MACROD2: variants seen among roughly 807,000 people sequenced by gnomAD.
MACROD2 encodes mono-ADP ribosylhydrolase 2, also known as ADP-ribose glycohydrolase MACROD2.
A neutral mutation model predicts 70.4 loss-of-function variants in MACROD2; 36 were observed. The observed-to-expected ratio is 0.51, with a 90% CI of 0.39 to 0.68. The LOEUF is 0.68. MACROD2 is among the 30% of genes least tolerant of loss of function. MACROD2 has a pLI of 0.00. For missense variants in MACROD2, 496 were observed against 538.4 expected, an observed-to-expected ratio of 0.92 and a Z score of 0.78; for synonymous variants, 172 against 178.8, an observed-to-expected ratio of 0.96 and a Z score of 0.30.
At chr20:14,742,916 G>A (rs1235631728) in intron 5 of MACROD2, among the ~76,000 whole-genome samples, 8 of 151,098 alleles carry the variant, frequency 5.3e-5, no homozygotes, top group African/African-American at 9.8e-5. Flanking sequence ...ACAGGCGCCC[G>A]CCACTATGCC....
intron 5 of MACROD2, among the ~76,000 whole-genome samples, chr20:14,778,883 A>G (rs1029775302): frequency 6.6e-6 from 1 of 152,136 alleles, no homozygotes; most frequent in Non-Finnish European, 1.5e-5. Context: ...TTAATGAGGG[A>G]AGCTCCAAAA....
rs1429303209 is a variant in MACROD2 at position 16,050,765 on chromosome 20, C to T, written c.*889C>T. On this transcript the variant is annotated 3_prime_UTR_variant, in exon 18 of 18. Transcript: ENST00000684519. ...AACATATGCCTATGAATATCAAAAG[C>T]TCCTCCTGAAATTGCTGTGAGTTTT... 1 of 152,256 alleles carries T rather than the reference C, an allele frequency of 6.6e-6. No individual in the cohort carries two copies. Among genetic ancestry groups the T allele is most frequent in the Non-Finnish European group, 1.5e-5 (1 of 68,064 alleles). 9.4% of individuals were successfully genotyped at this position (152,256 alleles called of 1,614,324 possible).
chr20:14,924,017 T>G (rs2074197473), intron 5 of MACROD2, among the ~76,000 whole-genome samples: 4 of 152,220 alleles, frequency 2.6e-5, no homozygotes, highest in Admixed American at 2.6e-4. Flanking sequence ...GCAAATTATC[T>G]TATAGATTGT....
chr20:14,747,594 A>C (rs2123730316), intron 5 of MACROD2, among the ~76,000 whole-genome samples: 1 of 152,200 alleles, frequency 6.6e-6, no homozygotes, highest in African/African-American at 2.4e-5. Context: ...ACTCACTGGA[A>C]GGCTTTATAA....
At chr20:14,485,857 C>G (rs2084723262) in intron 3 of MACROD2, among the ~76,000 whole-genome samples, 1 of 151,532 alleles carries the variant, frequency 6.6e-6, no homozygotes, top group Non-Finnish European at 1.5e-5. Flanking sequence ...ATTATACTTA[C>G]ATGTTTTATG....
intron 7 of MACROD2, among the ~76,000 whole-genome samples, chr20:15,478,613 C>T (rs936219495): frequency 3.3e-5 from 5 of 151,880 alleles, no homozygotes; most frequent in Non-Finnish European, 5.9e-5. Flanking sequence ...TGAGCCTAGA[C>T]GTTCTCTCCC....
At chr20:14,843,163 CTTTTTTTTTT>C (rs11389584) in intron 5 of MACROD2, among the ~76,000 whole-genome samples, 8 of 119,266 alleles carry the variant, frequency 6.7e-5, no homozygotes, top group South Asian at 5.5e-4. Context: ...TGTTCATTAA[CTTTTTTTTTT>C]TTTTTTTTTG....
At chr20:14,849,355 C>A (rs2073174539) in intron 5 of MACROD2, among the ~76,000 whole-genome samples, 1 of 152,140 alleles carries the variant, frequency 6.6e-6, no homozygotes, top group Non-Finnish European at 1.5e-5. Flanking sequence ...AAAATATCTT[C>A]TATGCCTAAA....
chr20:14,511,616 A>T (rs2085030794), intron 4 of MACROD2, among the ~76,000 whole-genome samples: 1 of 152,086 alleles, frequency 6.6e-6, no homozygotes, highest in African/African-American at 2.4e-5. Flanking sequence ...CATAAAATTT[A>T]ACTAATTAAC....
chr20:15,349,794 A>G (rs2078207844), intron 6 of MACROD2, among the ~76,000 whole-genome samples: 1 of 150,896 alleles, frequency 6.6e-6, no homozygotes, highest in South Asian at 2.1e-4. Flanking sequence ...TTATGGTGAA[A>G]TAATGGATCT....
intron 5 of MACROD2, among the ~76,000 whole-genome samples, chr20:14,994,338 C>T (rs2122878814): frequency 6.6e-6 from 1 of 152,238 alleles, no homozygotes. Context: ...GATGTAACCA[C>T]TATCAAAATC....
chr20:15,365,434 G>C (rs995147338), intron 6 of MACROD2, among the ~76,000 whole-genome samples: 58 of 152,230 alleles, frequency 3.8e-4, no homozygotes, highest in African/African-American at 1.4e-3. Flanking sequence ...GGGAGGCCAA[G>C]GCGGGTGGAT....
intron 5 of MACROD2, among the ~76,000 whole-genome samples, chr20:15,065,158 C>T (rs2075563669): frequency 6.6e-6 from 1 of 152,124 alleles, no homozygotes; most frequent in Non-Finnish European, 1.5e-5. Context: ...ATGACTAGAC[C>T]ACCTCTTCAG....
At chr20:14,877,683 G>A (rs1437992126) in intron 5 of MACROD2, among the ~76,000 whole-genome samples, 2 of 151,954 alleles carry the variant, frequency 1.3e-5, no homozygotes, top group South Asian at 2.1e-4. Flanking sequence ...TTATCGTGAA[G>A]GGATGTTGGA....
chr20:14,350,498 C>G (rs886589684), intron 3 of MACROD2, among the ~76,000 whole-genome samples: 1 of 152,092 alleles, frequency 6.6e-6, no homozygotes, highest in Non-Finnish European at 1.5e-5. Context: ...TTGCATTTCC[C>G]TGATGATTAG....
chr20:15,719,453 T>A (rs957813607), intron 8 of MACROD2, among the ~76,000 whole-genome samples: 1 of 152,192 alleles, frequency 6.6e-6, no homozygotes, highest in African/African-American at 2.4e-5. Context: ...TGATATGCCT[T>A]CCTAATTAGG....
At chr20:14,292,334 C>G (rs927026523) in intron 3 of MACROD2, among the ~76,000 whole-genome samples, 3 of 151,808 alleles carry the variant, frequency 2.0e-5, no homozygotes, top group Non-Finnish European at 4.4e-5. Flanking sequence ...TAATGTGACT[C>G]GGGGTTGGGT....
intron 5 of MACROD2, chr20:14,893,749 A>G (rs762823463): frequency 7.2e-5 from 11 of 151,964 alleles, no homozygotes; most frequent in Non-Finnish European, 1.5e-4. Flanking sequence ...TTATTTATTT[A>G]TAAGAGCTAT....
At chr20:15,316,228 T>G (rs1354636708) in intron 6 of MACROD2, among the ~76,000 whole-genome samples, 1 of 152,028 alleles carries the variant, frequency 6.6e-6, no homozygotes, top group Non-Finnish European at 1.5e-5. Flanking sequence ...TTATCAGTAA[T>G]TATTTTAAAT....
Sources: gnomAD v4.1 joint callset for allele counts (sites outside exome capture counted in the v4.1 genomes callset) on GRCh38, gnomAD v4.1.1 for gene constraint, MANE v1.5 for transcripts, NCBI Gene and HGNC (gene_info 2026-07-23, HGNC 2026-07-21) for gene names.